Variants in KIF15 observed in about 807,000 individuals in gnomAD.
KIF15 encodes kinesin family member 15, also known as kinesin-like protein KIF15.
A neutral mutation model predicts 190.6 loss-of-function variants in KIF15; 140 were observed. The observed-to-expected ratio is 0.73, with a 90% CI of 0.64 to 0.84. The LOEUF (loss-of-function observed/expected upper bound fraction) is 0.84. KIF15 is among the 40% of genes least tolerant of loss of function. KIF15 has a pLI of 0.00. For synonymous variants in KIF15, 528 were observed against 551.3 expected (o/e 0.96, Z 0.59); for missense variants, 1,372 against 1,584.4 (o/e 0.87, Z 2.28).
intron 8 of KIF15, among the ~76,000 whole-genome samples, chr3:44,794,654 C>T (rs1373549615): frequency 6.6e-6 from 1 of 152,068 alleles, no homozygotes. Context: ...TTCCTAACAG[C>T]ACATTTCTTA....
At chr3:44,790,916 C>T (rs186403015) in intron 7 of KIF15, among the ~76,000 whole-genome samples, 27 of 152,142 alleles carry the variant, frequency 1.8e-4, no homozygotes, top group Non-Finnish European at 2.8e-4. Flanking sequence ...CTCTTGACCC[C>T]GTGATCTGCC....
intron 6 of KIF15, among the ~76,000 whole-genome samples, chr3:44,786,045 T>C (rs2125916849): frequency 6.6e-6 from 1 of 152,154 alleles, no homozygotes; most frequent in African/African-American, 2.4e-5. Context: ...TGAAACCCCG[T>C]CTCTACTAAA....
chr3:44,864,370 T>G (rs754112954), intron 6 of KIF15: 127 of 1,613,562 alleles, frequency 7.9e-5, no homozygotes, highest in Non-Finnish European at 1.0e-4. Context: ...TGTGGTGCTC[T>G]TGTCCTAAAT....
At position 44,860,643 on chromosome 3, in the gene KIF15, A is replaced by G. The variant is rs1177780560; in HGVS notation, c.*59+7849A>G. Among the ~76,000 whole-genome samples the G allele has an allele frequency of 2.0e-5, 3 of 152,170 alleles. 1 individual carries two copies. The South Asian group carries it at 6.2e-4, about 32-fold the overall frequency. ...ACCTTTGGCCTCCCAAAGTGCTGGG[A>G]TTACAGGCGTGAGCCACCGTGCCTG... On this transcript the variant is annotated intron_variant and NMD_transcript_variant, in intron 6 of 6. Transcript: ENST00000422209.
downstream of KIF15, among the ~76,000 whole-genome samples, chr3:44,853,873 T>G (rs1228086679): frequency 6.6e-6 from 1 of 152,128 alleles, no homozygotes; most frequent in African/African-American, 2.4e-5. Flanking sequence ...AAATGCTAAG[T>G]AAAAGAAAAA....
intron 6 of KIF15, among the ~76,000 whole-genome samples, chr3:44,860,291 AG>A (rs1193386616): frequency 6.6e-6 from 1 of 152,116 alleles, no homozygotes; most frequent in Non-Finnish European, 1.5e-5. Context: ...TACTCAATGG[AG>A]TGGTGCAGTG....
intron 33 of KIF15, 76 bp from the exon 34 acceptor site, chr3:44,852,132 G>T: frequency 1.3e-6 from 2 of 1,525,036 alleles, no homozygotes; most frequent in East Asian, 2.3e-5. Context: ...CTCCTGGAAG[G>T]CAAGAAATAA....
At chr3:44,865,255 T>C (rs1006229888) in intron 6 of KIF15, 5 of 1,583,046 alleles carry the variant, frequency 3.2e-6, no homozygotes, top group Non-Finnish European at 4.3e-6. Context: ...TGGGACTGTA[T>C]CCTAGGGCGA....
At position 44,843,213 on chromosome 3, in the gene KIF15, T is replaced by A. The variant is rs775000463; in HGVS notation, c.3674T>A (p.Ile1225Asn). Residue 1225 changes from isoleucine to asparagine, a missense_variant, in exon 30 of 35, where the codon ATT (isoleucine) becomes AAT (asparagine). Ile to Asn is a moderately radical substitution (Grantham distance 149). Transcript: ENST00000326047. ...NWLLQGQLDD[I>N]KRQKENSDQN... The stretch of plus-strand genomic sequence containing the variant: ...CTCCTGCAAGGTCAGCTGGATGATA[T>A]TAAAAGACAAAAGGAAAACAGGTGA... The A allele has an allele frequency of 8.7e-6, 14 of 1,612,626 alleles. No homozygotes were observed. The South Asian group carries it at 1.1e-4, about 13-fold the overall frequency.
At chr3:44,791,803 C>T (rs1706713959) in intron 7 of KIF15, among the ~76,000 whole-genome samples, 1 of 152,092 alleles carries the variant, frequency 6.6e-6, no homozygotes, top group Non-Finnish European at 1.5e-5. Context: ...ATGCAACCTC[C>T]ACCTCCTGGG....
chr3:44,800,356 C>T lies in KIF15; in HGVS notation c.1141C>T (p.Gln381Ter). The change falls in exon 11 of 35, where the codon CAA (glutamine) becomes TAA (stop). Residue 381 changes from glutamine to a stop codon, truncating the protein, a stop_gained. Transcript: ENST00000326047. LOFTEE classifies it high-confidence loss of function. Reference sequence around the variant, plus strand: ...CACCCAAGGAAATGTGAGCCAGCTCCAAGCTGAAGTGAAGAGGCTCAAAGA... The same window carrying T: ...CACCCAAGGAAATGTGAGCCAGCTCTAAGCTGAAGTGAAGAGGCTCAAAGA... ...EDTQGNVSQL[Q>*]AEVKRLKEQL... 3 of 1,614,152 alleles carry T rather than the reference C, an allele frequency of 1.9e-6. No individual in the cohort carries two copies. Among genetic ancestry groups the T allele is most frequent in the Non-Finnish European group, 2.5e-6 (3 of 1,180,016 alleles).
intron 25 of KIF15, 37 bp downstream of exon 25, chr3:44,830,112 A>G (rs1413200953): frequency 1.8e-6 from 2 of 1,142,214 alleles, no homozygotes; most frequent in Non-Finnish European, 1.2e-6. Context: ...AAATTTGAGC[A>G]TGGGACACTT....
Position 44,761,820 on chromosome 3 carries a change from G to A in KIF15, c.-46G>A. The A allele has an allele frequency of 6.2e-7, 1 of 1,613,880 alleles. No individual in the cohort carries two copies. Among genetic ancestry groups the A allele is most frequent in the Non-Finnish European group, 8.5e-7 (1 of 1,179,772 alleles). On this transcript the variant is annotated 5_prime_UTR_variant, in exon 1 of 35. Transcript: ENST00000326047. ...GTCGCGCGCGGTGCAGTCGGGAGGT[G>A]GAGGCACCGGCTGCATTGTTTTCGG...
At chr3:44,820,495 C>T (rs879558980) in intron 20 of KIF15, among the ~76,000 whole-genome samples, 3 of 151,968 alleles carry the variant, frequency 2.0e-5, no homozygotes, top group Non-Finnish European at 2.9e-5. Flanking sequence ...GAGGACCCTG[C>T]GGCCTTCCGC....
At chr3:44,828,034 T>C (rs954270890) in intron 23 of KIF15, among the ~76,000 whole-genome samples, 180 bp from the exon 24 acceptor site, 2 of 152,206 alleles carry the variant, frequency 1.3e-5, no homozygotes, top group Non-Finnish European at 1.5e-5. Flanking sequence ...TAATAATTTG[T>C]TGGTAGTCTC....
chr3:44,789,047 C>G (rs1427681598), intron 7 of KIF15, among the ~76,000 whole-genome samples: 1 of 152,144 alleles, frequency 6.6e-6, no homozygotes, highest in Non-Finnish European at 1.5e-5. Context: ...TACTGCCATT[C>G]TGTTTCCTTT....
intron 22 of KIF15, chr3:44,827,244 C>T (rs575943551): frequency 2.0e-6 from 1 of 497,578 alleles, no homozygotes; most frequent in South Asian, 2.4e-5. Flanking sequence ...GTACTAAACA[C>T]TCTGAGGAAA....
chr3:44,862,118 T>G (rs1699261577), intron 6 of KIF15: 1 of 1,033,976 alleles, frequency 9.7e-7, no homozygotes, highest in African/African-American at 1.7e-5. Flanking sequence ...GGCAGCGAGG[T>G]CGAGCCCGGG....
intron 20 of KIF15, among the ~76,000 whole-genome samples, chr3:44,821,298 C>T (rs1361530491): frequency 4.7e-5 from 7 of 150,016 alleles, no homozygotes; most frequent in South Asian, 2.1e-4. Context: ...GCTGGCCTGG[C>T]GGTGGGTGAC....
Sources: allele counts gnomAD v4.1 joint callset (sites outside exome capture counted in the v4.1 genomes callset), GRCh38; gene constraint gnomAD v4.1.1; transcripts MANE v1.5; gene names NCBI Gene and HGNC (gene_info 2026-07-23, HGNC 2026-07-21).